Variants in CPNE8 observed in about 807,000 individuals in gnomAD.
The protein encoded by CPNE8 is copine 8.
Under a neutral mutation model 81.5 loss-of-function variants are expected in CPNE8, and 45 were observed. That is an observed-to-expected ratio of 0.55 (90% confidence interval 0.44 to 0.71). CPNE8 has a LOEUF of 0.71. Among genes scored for constraint, CPNE8 ranks in the 30% least tolerant of loss-of-function variants. The pLI is 0.00. For synonymous variants in CPNE8, 252 were observed against 226.3 expected, an observed-to-expected ratio of 1.11 and a Z score of -1.02; for missense variants, 594 against 672.1, an observed-to-expected ratio of 0.88 and a Z score of 1.28.
In CPNE8 at chr12:38,677,500, T is replaced by C. The variant is rs570404988; in HGVS notation, c.1326A>G (p.Thr442=). The change falls in exon 17 of 20, where the codon ACA becomes ACG. Residue 442 remains threonine (T), a synonymous_variant. Transcript: ENST00000331366. ...GGGCCATATCTGAGATAACACCATCTGTAACAATCAGAAGCACAAAATACT... is the reference window on the plus strand; with the variant it reads ...GGGCCATATCTGAGATAACACCATCCGTAACAATCAGAAGCACAAAATACT... The part of the protein sequence containing the change: ...GSQYFVLLIV[T]DGVISDMAQT... 2 of 1,612,712 alleles carry C rather than the reference T, an allele frequency of 1.2e-6. No homozygotes were observed. Among genetic ancestry groups the C allele is most frequent in the African/African-American group, 1.3e-5 (1 of 74,958 alleles).
chr12:38,884,678 C>A (rs1311047533), intron 1 of CPNE8, among the ~76,000 whole-genome samples: 2 of 152,288 alleles, frequency 1.3e-5, no homozygotes, highest in Middle Eastern at 3.4e-3. Context: ...AATTTCTCCA[C>A]ATCCTCTCCA....
At chr12:38,844,765 C>T (rs1943526566) in intron 4 of CPNE8, among the ~76,000 whole-genome samples, 1 of 152,032 alleles carries the variant, frequency 6.6e-6, no homozygotes, top group Non-Finnish European at 1.5e-5. Flanking sequence ...TTTATAAAAG[C>T]CATTTCTAAA....
intron 6 of CPNE8, among the ~76,000 whole-genome samples, chr12:38,822,589 T>A (rs1158908054): frequency 1.3e-5 from 2 of 152,176 alleles, no homozygotes; most frequent in African/African-American, 4.8e-5. Flanking sequence ...TATTCAGATA[T>A]TTCAGATGAG....
At chr12:38,781,650 C>A (rs1272852336) in intron 6 of CPNE8, among the ~76,000 whole-genome samples, 1 of 151,954 alleles carries the variant, frequency 6.6e-6, no homozygotes, top group Non-Finnish European at 1.5e-5. Flanking sequence ...AAAATTGACA[C>A]AACTACAAAA....
intron 5 of CPNE8, among the ~76,000 whole-genome samples, chr12:38,833,760 G>A (rs990318006): frequency 1.1e-4 from 17 of 152,096 alleles, no homozygotes; most frequent in African/African-American, 4.1e-4. Flanking sequence ...TTACAGGTAT[G>A]AGCCACCGCA....
intron 13 of CPNE8, chr12:38,720,775 G>A (rs1940541320): frequency 6.6e-6 from 1 of 152,246 alleles, no homozygotes; most frequent in African/African-American, 2.4e-5. Context: ...GTGGGAGCCA[G>A]GGACAAGTGG....
At chr12:38,756,793 G>A (rs939394115) in intron 10 of CPNE8, among the ~76,000 whole-genome samples, 11 of 152,134 alleles carry the variant, frequency 7.2e-5, no homozygotes, top group South Asian at 4.1e-4. Flanking sequence ...TAAAGTCTAC[G>A]TAGTACCAAC....
At chr12:38,821,926 T>C (rs145101738) in intron 6 of CPNE8, among the ~76,000 whole-genome samples, 69 of 152,332 alleles carry the variant, frequency 4.5e-4, no homozygotes, top group African/African-American at 1.2e-3. Flanking sequence ...TATAATAACA[T>C]GAGTAAATGT....
intron 4 of CPNE8, among the ~76,000 whole-genome samples, chr12:38,842,701 G>A (rs895815305): frequency 2.7e-5 from 4 of 148,964 alleles, no homozygotes; most frequent in Admixed American, 6.8e-5. Context: ...TCAGCCTCCA[G>A]AGTCACTGGG....
At chr12:38,691,121 A>G (rs1268934768) in intron 15 of CPNE8, among the ~76,000 whole-genome samples, 1 of 152,238 alleles carries the variant, frequency 6.6e-6, no homozygotes, top group Non-Finnish European at 1.5e-5. Context: ...TACATATATC[A>G]TGGTGTTAAT....
At chr12:38,678,544 T>C (rs987431828) in intron 16 of CPNE8, among the ~76,000 whole-genome samples, 5 of 151,890 alleles carry the variant, frequency 3.3e-5, no homozygotes, top group African/African-American at 9.7e-5. Flanking sequence ...ACCTGAAGGA[T>C]TAATGAAAAT....
At chr12:38,722,244 A>G (rs938815178) in intron 13 of CPNE8, among the ~76,000 whole-genome samples, 1 of 152,212 alleles carries the variant, frequency 6.6e-6, no homozygotes. Flanking sequence ...AAAAATAGGC[A>G]AAGACATTGG....
upstream of CPNE8, chr12:38,906,360 A>C (rs1365783528): frequency 4.1e-6 from 4 of 985,346 alleles, no homozygotes; most frequent in African/African-American, 7.0e-5. Context: ...GGTGGAAAAA[A>C]CAATACTACT....
At chr12:38,823,729 T>C (rs775364900) in intron 6 of CPNE8, among the ~76,000 whole-genome samples, 3 of 152,110 alleles carry the variant, frequency 2.0e-5, no homozygotes, top group Non-Finnish European at 4.4e-5. Context: ...ATAAATATTT[T>C]CCTCCCAGAG....
chr12:38,730,235 AT>A lies in CPNE8; in HGVS notation c.798+47del, dbSNP rs1389745761. ...CAGAATCCACACTTTTAAAGCACAG[AT>A]TTATTTATTCTAGAAAAAAACAATG... is the stretch of plus-strand genomic sequence containing the variant. On this transcript the variant is annotated intron_variant, in intron 11 of 19. Coordinates refer to ENST00000331366, the MANE Select transcript of CPNE8 (RefSeq NM_153634.3). 3 of 1,130,464 alleles carry A rather than the reference AT, an allele frequency of 2.7e-6. No homozygotes were observed. The African/African-American group carries it at 4.6e-5, about 17-fold the overall frequency. 70.0% of individuals were successfully genotyped at this position (1,130,464 alleles called of 1,614,324 possible).
chr12:38,766,100 C>T (rs536195436), intron 8 of CPNE8, among the ~76,000 whole-genome samples: 39 of 152,134 alleles, frequency 2.6e-4, no homozygotes, highest in Admixed American at 1.6e-3. Context: ...CCTCGTGATC[C>T]GCCTGCCTCG....
At position 38,901,048 on chromosome 12, in the gene CPNE8, C is replaced by T. The variant is rs146767205; in HGVS notation, c.98+4389G>A. On this transcript the variant is annotated intron_variant, in intron 1 of 19. Transcript: ENST00000331366. ...ACCAGCTGGCCAACATGGTGAAATCCCATCTCTACTAAAAATACAAAAATT... is the reference window on the plus strand; with the variant it reads ...ACCAGCTGGCCAACATGGTGAAATCTCATCTCTACTAAAAATACAAAAATT... Among the ~76,000 whole-genome samples, 516 of 152,162 alleles carry T rather than the reference C, an allele frequency of 3.4e-3. 8 individuals are homozygous for T. Among genetic ancestry groups the T allele is most frequent in the African/African-American group, 0.012 (483 of 41,510 alleles).
At chr12:38,810,854 C>T (rs1942921493) in intron 6 of CPNE8, among the ~76,000 whole-genome samples, 1 of 152,220 alleles carries the variant, frequency 6.6e-6, no homozygotes, top group Middle Eastern at 3.4e-3. Flanking sequence ...CTCATGATTT[C>T]CATGTGGCTC....
chr12:38,905,462 G>C lies in CPNE8; in HGVS notation c.73C>G (p.Arg25Gly). ...NQLSAAIPATRVEVSVSCRNL... is the reference protein window; with the variant it reads ...NQLSAAIPATGVEVSVSCRNL... ...CTGCAGGACACGGACACCTCCACCC[G>C]CGTGGCCGGGATGGCAGCGCTCAGC... is the stretch of plus-strand genomic sequence containing the variant. Residue 25 changes from arginine (R) to glycine (G), a missense_variant, in exon 1 of 20, where the codon CGG becomes GGG. Physicochemically the swap from Arg to Gly is moderately radical, Grantham distance 125. Coordinates refer to ENST00000331366, the MANE Select transcript of CPNE8 (RefSeq NM_153634.3). The C allele has an allele frequency of 6.4e-7, 1 of 1,571,264 alleles. No homozygotes were observed.
Sources: allele counts gnomAD v4.1 joint callset (sites outside exome capture counted in the v4.1 genomes callset), GRCh38; gene constraint gnomAD v4.1.1; transcripts MANE v1.5; gene names NCBI Gene and HGNC (gene_info 2026-07-23, HGNC 2026-07-21).